The following TCF20 variants were observed in gnomAD, a reference collection of about 807,000 sequenced individuals.
TCF20 encodes SPRE-binding protein.
A neutral mutation model predicts 148.6 loss-of-function variants in TCF20; 3 were observed. The ratio of observed to expected loss-of-function variants is 0.02; its 90% CI spans 0.01 to 0.05. The LOEUF is 0.05. TCF20 is among the 10% of genes least tolerant of loss of function. TCF20 has a pLI of 1.00. For synonymous variants in TCF20, 1,049 were observed against 909.5 expected (o/e 1.15, Z -2.76); for missense variants, 2,350 against 2,429.3 (o/e 0.97, Z 0.69).
At position 42,299,998 on chromosome 22, in the gene TCF20, C is replaced by T. The variant is rs1010686818; in HGVS notation, c.-37+43481G>A. ...GGGGGAGGGGCGCGCTGAAATCACCCGCAACATCAAAGCCTTCCCCAGCCG... is the reference window on the plus strand; with the variant it reads ...GGGGGAGGGGCGCGCTGAAATCACCTGCAACATCAAAGCCTTCCCCAGCCG... On this transcript the variant is annotated intron_variant, in intron 1 of 1. Transcript: ENST00000515426. This position sits in a 1 kb window ranked among gnomAD's most constrained non-coding sequence, Gnocchi z 4.1. Among the ~76,000 whole-genome samples, 2 of 151,448 alleles carry T rather than the reference C, an allele frequency of 1.3e-5. No individual in the cohort carries two copies. The highest frequency in any genetic ancestry group is 2.4e-5 in the African/African-American group (1 of 41,154).
chr22:42,190,202 T>C (rs1449244145), intron 2 of TCF20, among the ~76,000 whole-genome samples: 1 of 152,180 alleles, frequency 6.6e-6, no homozygotes, highest in Non-Finnish European at 1.5e-5. Context: ...CCCATGTCTG[T>C]TATCCCAGCA....
chr22:42,165,676 C>A (rs1935740353), intron 5 of TCF20, among the ~76,000 whole-genome samples: 1 of 152,236 alleles, frequency 6.6e-6, no homozygotes, highest in Admixed American at 6.5e-5. Flanking sequence ...GCTGCAGGGT[C>A]CAATCTGCTG....
Position 42,252,282 on chromosome 22 carries a change from C to CAA in TCF20, c.-37+18055_-37+18056dup, listed in dbSNP as rs892854304. Among the ~76,000 whole-genome samples, 4 of 127,840 alleles carry CAA rather than the reference C, an allele frequency of 3.1e-5. No individual in the cohort carries two copies. The Admixed American group carries it at 3.2e-4, about 10-fold the overall frequency. 83.9% of individuals were successfully genotyped at this position (127,840 alleles called of 152,430 possible). ...TGGGCGACAGAACGAAAGTCCATCTCAAAAAAAAAAAGAAAAAAATAAAAA... is the reference window on the plus strand; with the variant it reads ...TGGGCGACAGAACGAAAGTCCATCTCAAAAAAAAAAAAAGAAAAAAATAAAAA... On this transcript the variant is annotated intron_variant, in intron 1 of 5. Transcript: ENST00000677622.
intron 2 of TCF20, among the ~76,000 whole-genome samples, chr22:42,203,700 TG>T (rs1938196258): frequency 6.6e-6 from 1 of 151,614 alleles, no homozygotes; most frequent in African/African-American, 2.4e-5. Flanking sequence ...GAGTGAGAAA[TG>T]AAGATGGGTC....
intron 1 of TCF20, among the ~76,000 whole-genome samples, chr22:42,293,015 T>TGGGGC (rs1927161275): frequency 6.6e-6 from 1 of 151,812 alleles, no homozygotes; most frequent in African/African-American, 2.4e-5. Flanking sequence ...GGCCCAGCTC[T>TGGGGC]GGGGCAAGGC....
At chr22:42,216,778 C>A (rs1042630095) in intron 1 of TCF20, among the ~76,000 whole-genome samples, 2 of 152,204 alleles carry the variant, frequency 1.3e-5, no homozygotes, top group Non-Finnish European at 2.9e-5. Context: ...AGGACCCAGA[C>A]TCTTTCAAAG....
chr22:42,193,163 A>G (rs1937422409), intron 2 of TCF20, among the ~76,000 whole-genome samples: 1 of 144,168 alleles, frequency 6.9e-6, no homozygotes. Context: ...CAGAAAAGGA[A>G]AAAGGAAAAA....
chr22:42,211,665 G>A lies in TCF20; in HGVS notation c.3641C>T (p.Pro1214Leu), dbSNP rs1169775402. ...PGMSSQKRYG[P>L]PHETDGHGLA... ...TCCATGTCCATCAGTCTCATGGGGC[G>A]GCCCATACCTTTTTTGACTGGACAT... is the stretch of plus-strand genomic sequence containing the variant. Residue 1214 changes from proline (P) to leucine (L), a missense_variant, in exon 2 of 6, where the codon CCG becomes CTG. Physicochemically the swap from Pro to Leu is moderately conservative, Grantham distance 98. This residue lies in a region of TCF20 where 1,641 missense variants were observed against 1,662.6 expected (regional missense o/e 0.99). Coordinates refer to ENST00000677622, the MANE Select transcript of TCF20 (RefSeq NM_001378418.1). 3.1e-6 allele frequency: 5 copies of A among 1,614,038 alleles called. No homozygotes were observed. The highest frequency in any genetic ancestry group is 2.2e-5 in the East Asian group (1 of 44,902).
At chr22:42,193,671 A>T (rs1937454977) in intron 2 of TCF20, among the ~76,000 whole-genome samples, 1 of 152,152 alleles carries the variant, frequency 6.6e-6, no homozygotes, top group Non-Finnish European at 1.5e-5. Context: ...TCATTTATCC[A>T]ACACCTTGAC....
In TCF20 at chr22:42,213,659, C is replaced by T. The variant is rs756160587; in HGVS notation, c.1647G>A (p.Lys549=). 6.2e-7 allele frequency: 1 copy of T among 1,614,114 alleles called. No individual in the cohort carries two copies. Among genetic ancestry groups the T allele is most frequent in the South Asian group, 1.1e-5 (1 of 91,082 alleles). The stretch of plus-strand genomic sequence containing the variant: ...AGCCAGCTTTCTCAGAGGCTCCACC[C>T]TTGTAGGTGGTGTCAGAGCTGGTGC... ...GQSTSSDTTY[K]GGASEKAGSS... The change falls in exon 2 of 6, where the codon AAG becomes AAA. Residue 549 remains lysine (K), a synonymous_variant. Transcript: ENST00000677622.
chr22:42,191,897 A>AG (rs1479221594), intron 2 of TCF20, among the ~76,000 whole-genome samples: 3 of 152,228 alleles, frequency 2.0e-5, no homozygotes, highest in Non-Finnish European at 2.9e-5. Flanking sequence ...TGTGATGAAG[A>AG]AAGAGAAGAG....
At position 42,179,614 on chromosome 22, in the gene TCF20, T is replaced by C; in HGVS notation, c.5744A>G (p.Asp1915Gly). 1.9e-6 allele frequency: 3 copies of C among 1,613,384 alleles called. No homozygotes were observed. Among genetic ancestry groups the C allele is most frequent in the Non-Finnish European group, 2.5e-6 (3 of 1,179,548 alleles). ...SFRYHYPCAI[D>G]ADCLLHEENF... ...GGTCTGTGGTCTCCTCTTACCTGCA[T>C]CAATGGCACACGGGTAATGGTATCG... Residue 1915 changes from aspartate (D) to glycine (G), a missense_variant, in exon 3 of 6, where the codon GAT (aspartate) becomes GGT (glycine). By Grantham distance (94) the Asp-to-Gly change is moderately conservative. Around this residue, in one of 7 missense-constraint regions of TCF20, gnomAD observed 67 missense variants for 60.8 expected, o/e 1.10. Coordinates refer to ENST00000677622, the MANE Select transcript of TCF20 (RefSeq NM_001378418.1).
At chr22:42,305,727 C>T (rs942819656) in intron 1 of TCF20, among the ~76,000 whole-genome samples, 3 of 152,182 alleles carry the variant, frequency 2.0e-5, no homozygotes, top group Non-Finnish European at 4.4e-5. Flanking sequence ...TGACAGTGGC[C>T]CCTGGATGGG....
At chr22:42,250,310 T>A (rs1925257847) in intron 1 of TCF20, among the ~76,000 whole-genome samples, 1 of 151,946 alleles carries the variant, frequency 6.6e-6, no homozygotes, top group South Asian at 2.1e-4. Flanking sequence ...CCAGGCGTGG[T>A]GGCGGGGCGC....
chr22:42,235,162 CT>C (rs1923774308), intron 1 of TCF20, among the ~76,000 whole-genome samples: 1 of 142,612 alleles, frequency 7.0e-6, no homozygotes, highest in African/African-American at 2.6e-5. Flanking sequence ...AAAAAAAGAA[CT>C]TTGTAAATGT....
At chr22:42,305,532 C>A (rs940236131) in intron 1 of TCF20, among the ~76,000 whole-genome samples, 2 of 152,180 alleles carry the variant, frequency 1.3e-5, no homozygotes, top group African/African-American at 2.4e-5. Flanking sequence ...CCAGAACCTG[C>A]TGTGTTATCT....
chr22:42,274,142 A>C (rs774897948), upstream of TCF20: 1 of 152,716 alleles, frequency 6.5e-6, no homozygotes, highest in Non-Finnish European at 1.5e-5. Context: ...GGAGGCCTGG[A>C]ATTCCTGCTC....
chr22:42,306,340 G>A (rs1225504801), intron 1 of TCF20, among the ~76,000 whole-genome samples: 7 of 152,252 alleles, frequency 4.6e-5, no homozygotes, highest in Non-Finnish European at 1.0e-4. Context: ...CTGCCAGGCT[G>A]GGCCAGCAGC....
rs1028252909 is a variant in TCF20, at chr22:42,292,939, AGGAGTGGC to A, written c.-37+50532_-37+50539del. 1.3e-5 allele frequency among the ~76,000 whole-genome samples: 2 copies of A among 150,664 alleles called. No homozygotes were observed. Among genetic ancestry groups the A allele is most frequent in the African/African-American group, 4.9e-5 (2 of 40,830 alleles). The stretch of plus-strand genomic sequence containing the variant: ...CCCCTCCCACTCTGTCCTGCCCACC[AGGAGTGGC>A]GGGGTTTGAATTTCAGGAGCTGGGC... On this transcript the variant is annotated intron_variant, in intron 1 of 1. Coordinates refer to the TCF20 transcript ENST00000515426. The surrounding 1 kb of genome is among the most constrained non-coding windows in gnomAD (Gnocchi z 4.9).
Sources: gnomAD v4.1 joint callset for allele counts (sites outside exome capture counted in the v4.1 genomes callset) on GRCh38, gnomAD v4.1.1 for gene constraint, gnomAD v4.1.1 regional missense constraint, Gnocchi (gnomAD v3.1) non-coding constraint, MANE v1.5 for transcripts, NCBI Gene and HGNC (gene_info 2026-07-23, HGNC 2026-07-21) for gene names.